TMEFF2: variants seen among roughly 807,000 people sequenced by gnomAD.
TMEFF2 encodes the protein tomoregulin-2.
A neutral mutation model predicts 53.8 loss-of-function variants in TMEFF2; 28 were observed. The observed-to-expected ratio is 0.52, with a 90% CI of 0.39 to 0.71. The LOEUF (loss-of-function observed/expected upper bound fraction) is 0.71, where lower values mean the gene tolerates loss of function less well. Among genes scored for constraint, TMEFF2 ranks in the 30% least tolerant of loss-of-function variants. The probability of loss-of-function intolerance (pLI) is 0.00; values close to 1 mark genes in which losing one functional copy is unlikely to be tolerated. For synonymous variants in TMEFF2, 162 were observed against 166.3 expected (o/e 0.97, Z 0.20); for missense variants, 353 against 455.2 (o/e 0.78, Z 2.04).
At chr2:192,033,520 A>ATT (rs11396104) in intron 5 of TMEFF2, among the ~76,000 whole-genome samples, 14,313 of 135,552 alleles carry the variant, frequency 0.11, 929 homozygotes, top group African/African-American at 0.17. Context: ...ACCAGTTTGG[A>ATT]TTTTTTTTTT....
At chr2:192,010,117 CAG>C (rs1315305349) in intron 5 of TMEFF2, among the ~76,000 whole-genome samples, 2 of 152,160 alleles carry the variant, frequency 1.3e-5, no homozygotes, top group African/African-American at 4.8e-5. Context: ...GACTTTCAAG[CAG>C]AGTTTATCAT....
chr2:192,050,727 C>T lies in TMEFF2; in HGVS notation c.536+6952G>A, dbSNP rs7419924. 7.2e-4 allele frequency among the ~76,000 whole-genome samples: 110 copies of T among 152,246 alleles called. 1 individual carries two copies. Among genetic ancestry groups the T allele is most frequent in the South Asian group, 4.4e-3 (21 of 4,824 alleles). On this transcript the variant is annotated intron_variant, in intron 5 of 9. Transcript: ENST00000272771. ...CATCGTACAGACCATGTCAGAATTCCTAGTCTTTTACTTCTAAATTTTATT... is the reference window on the plus strand; with the variant it reads ...CATCGTACAGACCATGTCAGAATTCTTAGTCTTTTACTTCTAAATTTTATT...
intron 7 of TMEFF2, among the ~76,000 whole-genome samples, chr2:191,967,227 C>T (rs1162886585): frequency 6.6e-6 from 1 of 151,984 alleles, no homozygotes; most frequent in Non-Finnish European, 1.5e-5. Flanking sequence ...GATACCTGAG[C>T]AGAATTTATA....
At chr2:191,969,357 A>C (rs953529321) in intron 7 of TMEFF2, among the ~76,000 whole-genome samples, 1 of 152,106 alleles carries the variant, frequency 6.6e-6, no homozygotes, top group African/African-American at 2.4e-5. Flanking sequence ...CTTCAGTGAA[A>C]TGTCCATAAA....
chr2:192,026,615 A>C (rs374441637), intron 5 of TMEFF2, among the ~76,000 whole-genome samples: 1 of 152,144 alleles, frequency 6.6e-6, no homozygotes, highest in African/African-American at 2.4e-5. Flanking sequence ...CCTTTTTTTA[A>C]AACACTGTAT....
chr2:192,131,728 C>T (rs1375129099), intron 4 of TMEFF2, among the ~76,000 whole-genome samples: 2 of 152,132 alleles, frequency 1.3e-5, no homozygotes, highest in Non-Finnish European at 2.9e-5. Context: ...CTCCTTCTCC[C>T]TTAGCCTGTA....
At chr2:191,982,308 C>CAAAG (rs901798153) in intron 7 of TMEFF2, among the ~76,000 whole-genome samples, 25 of 151,866 alleles carry the variant, frequency 1.6e-4, no homozygotes, top group African/African-American at 6.0e-4. Context: ...GATAAGAAAA[C>CAAAG]AAAGACTCAC....
At chr2:192,037,592 GTGTT>G (rs1175747354) in intron 5 of TMEFF2, among the ~76,000 whole-genome samples, 1 of 144,968 alleles carries the variant, frequency 6.9e-6, no homozygotes, top group African/African-American at 2.5e-5. Flanking sequence ...GTGTGTGTGT[GTGTT>G]TGTGCGTGTG....
At chr2:192,177,200 G>A (rs1195886461) in intron 4 of TMEFF2, 1 of 151,130 alleles carries the variant, frequency 6.6e-6, no homozygotes, top group Admixed American at 6.6e-5. Context: ...GAAGGAAGCT[G>A]ATTCTGCCCT....
intron 7 of TMEFF2, among the ~76,000 whole-genome samples, chr2:191,968,269 A>G (rs1004710603): frequency 6.6e-6 from 1 of 152,248 alleles, no homozygotes; most frequent in Non-Finnish European, 1.5e-5. Context: ...GGTGATATCT[A>G]TATCAGCTCA....
chr2:192,109,119 C>T (rs1008542334), intron 4 of TMEFF2, among the ~76,000 whole-genome samples: 3 of 151,886 alleles, frequency 2.0e-5, no homozygotes, highest in Admixed American at 6.6e-5. Flanking sequence ...ATACTGTGTA[C>T]GTAATTAATG....
rs201409407 is a variant in TMEFF2, at chr2:192,179,709, G to A, written c.413-15C>T. On this transcript the variant is annotated splice_polypyrimidine_tract_variant and intron_variant, in intron 3 of 9. Transcript: ENST00000272771. ...TGATCCTGCATCTGTGGGGGGAAAAGTTATATTTGCTAGTAAAACATATTC... is the reference window on the plus strand; with the variant it reads ...TGATCCTGCATCTGTGGGGGGAAAAATTATATTTGCTAGTAAAACATATTC... 9.9e-6 allele frequency: 15 copies of A among 1,513,868 alleles called. No homozygotes were observed. The East Asian group carries it at 3.8e-4, about 38-fold the overall frequency. 93.8% of individuals were successfully genotyped at this position (1,513,868 alleles called of 1,614,324 possible). A position where few individuals can be genotyped will look rare whatever the true frequency, so the allele number is the denominator to read the frequency against.
chr2:192,170,154 A>G (rs1487560508), intron 4 of TMEFF2, among the ~76,000 whole-genome samples: 1 of 152,064 alleles, frequency 6.6e-6, no homozygotes, highest in East Asian at 1.9e-4. Flanking sequence ...ACCCTTAAGG[A>G]TTAGATCTCA....
chr2:191,983,668 C>T (rs1574265539), intron 7 of TMEFF2, among the ~76,000 whole-genome samples: 1 of 152,122 alleles, frequency 6.6e-6, no homozygotes, highest in South Asian at 2.1e-4. Flanking sequence ...GCCCAGTAAA[C>T]CTGGGCTCTG....
intron 1 of TMEFF2, among the ~76,000 whole-genome samples, chr2:192,192,790 T>C (rs1479652507): frequency 6.6e-6 from 1 of 152,194 alleles, no homozygotes; most frequent in African/African-American, 2.4e-5. Context: ...TTTCCAAAAA[T>C]TGTTTTTGCA....
At chr2:191,955,022 G>A (rs1293565667) in intron 8 of TMEFF2, among the ~76,000 whole-genome samples, 2 of 151,632 alleles carry the variant, frequency 1.3e-5, no homozygotes, top group African/African-American at 4.8e-5. Context: ...GGGGAGTGAG[G>A]GGGTAGCAAG....
chr2:192,167,276 G>T (rs936332247), intron 4 of TMEFF2, among the ~76,000 whole-genome samples: 1 of 152,074 alleles, frequency 6.6e-6, no homozygotes, highest in Non-Finnish European at 1.5e-5. Flanking sequence ...GCATGTGGTG[G>T]TGGAGTTAGG....
chr2:192,160,066 T>C (rs1047553681), intron 4 of TMEFF2, among the ~76,000 whole-genome samples: 1 of 152,150 alleles, frequency 6.6e-6, no homozygotes, highest in Non-Finnish European at 1.5e-5. Flanking sequence ...TATTACTGCC[T>C]GGAAAAAGGG....
chr2:192,051,513 G>A (rs1687770880), intron 5 of TMEFF2, among the ~76,000 whole-genome samples: 1 of 152,104 alleles, frequency 6.6e-6, no homozygotes, highest in Admixed American at 6.6e-5. Context: ...TGTCAACCAG[G>A]AGTGGTTTTA....
Sources: gnomAD v4.1 joint callset for allele counts (sites outside exome capture counted in the v4.1 genomes callset) on GRCh38, gnomAD v4.1.1 for gene constraint, MANE v1.5 for transcripts, NCBI Gene and HGNC (gene_info 2026-07-23, HGNC 2026-07-21) for gene names.